KLC4: variants seen among roughly 807,000 people sequenced by gnomAD.
The protein encoded by KLC4 is kinesin-like protein 8.
KLC4 carries 49 observed loss-of-function variants against 77.2 expected under a neutral mutation model. The observed-to-expected ratio is 0.63, with a 90% CI of 0.50 to 0.80. The LOEUF (loss-of-function observed/expected upper bound fraction) is 0.80. KLC4 is among the 30% of genes least tolerant of loss of function. The pLI, the probability that KLC4 is intolerant of heterozygous loss-of-function variation, is 0.00. For synonymous variants in KLC4, 274 were observed against 314.5 expected (o/e 0.87, Z 1.36); for missense variants, 669 against 793.5 (o/e 0.84, Z 1.89).
chr6:43,070,796 A>AC lies in KLC4; in HGVS notation c.1086_1087insC (p.Ala363ArgfsTer15). The AC allele has an allele frequency of 6.2e-7, 1 of 1,614,008 alleles. No homozygotes were observed. Among genetic ancestry groups the AC allele is most frequent in the Non-Finnish European group, 8.5e-7 (1 of 1,179,974 alleles). On this transcript the variant is annotated frameshift_variant, in exon 8 of 16. Transcript: ENST00000347162. LOFTEE classifies it high-confidence loss of function. ...AGGCCGTGGAACGCTACTACCAGCG[A>AC]GCACTGGCCATCTACGAGGGGCAGC...
chr6:43,072,491 A>G (rs1192785289), intron 12 of KLC4, among the ~76,000 whole-genome samples: 4 of 152,110 alleles, frequency 2.6e-5, no homozygotes, highest in Admixed American at 1.3e-4. Context: ...TATGAAGGAG[A>G]AACCCTGCCC....
In KLC4 at chr6:43,061,549, C is replaced by T. The variant is rs773059424; in HGVS notation, c.214C>T (p.Arg72Cys). The change falls in exon 2 of 16, where the codon CGC (arginine) becomes TGC (cysteine). Residue 72 changes from arginine (R) to cysteine (C), a missense_variant. Arg to Cys is a radical substitution (Grantham distance 180). Coordinates refer to ENST00000347162, the MANE Select transcript of KLC4 (RefSeq NM_201521.3). ...GLVHEKARQL[R>C]RSMENIELGL... ...GGTGCATGAGAAGGCCCGGCAGCTT[C>T]GCCGTTCTATGGAAAACATTGAGCT... The T allele has an allele frequency of 3.2e-5, 51 of 1,613,700 alleles. No individual in the cohort carries two copies. The highest frequency in any genetic ancestry group is 4.0e-5 in the Non-Finnish European group (47 of 1,179,794).
chr6:43,064,978 A>C (rs756500754), intron 3 of KLC4, among the ~76,000 whole-genome samples: 1 of 152,220 alleles, frequency 6.6e-6, no homozygotes, highest in Admixed American at 6.5e-5. Flanking sequence ...GACAGGACAG[A>C]CATACAATCA....
rs184946966 is a variant in KLC4 at position 43,071,569 on chromosome 6, G to A, written c.1258G>A (p.Asp420Asn). 35 of 1,613,370 alleles carry A rather than the reference G, an allele frequency of 2.2e-5. No individual in the cohort carries two copies. In the Admixed American group the frequency reaches 5.0e-4, roughly 23 times the overall value. The change falls in exon 10 of 16, where the codon GAC becomes AAC. Residue 420 changes from aspartate (D) to asparagine (N), a missense_variant and splice_region_variant. Transcript: ENST00000347162. ...CCCACCCCATGTATCACCCCTAGAT[G>A]ACCACAAGCCCATCTGGATGCATGC... ...HVQEFGSVDD[D>N]HKPIWMHAEE...
At chr6:43,067,329 T>A in intron 6 of KLC4, 1 of 753,588 alleles carries the variant, frequency 1.3e-6, no homozygotes, top group Non-Finnish European at 1.9e-6. Context: ...AAGTCATAGG[T>A]AAATCCACAT....
chr6:43,063,998 G>A (rs1226737516), intron 3 of KLC4, among the ~76,000 whole-genome samples: 1 of 152,070 alleles, frequency 6.6e-6, no homozygotes, highest in Non-Finnish European at 1.5e-5. Context: ...CACCACACCC[G>A]GCTAATGTTT....
chr6:43,073,419 G>A (rs1765826424), intron 14 of KLC4, 81 bp downstream of exon 14: 2 of 956,346 alleles, frequency 2.1e-6, no homozygotes, highest in Admixed American at 2.1e-5. Flanking sequence ...GGGAGGCCGA[G>A]GCGGGTGGAT....
chr6:43,074,030 A>C, intron 15 of KLC4, 65 bp downstream of exon 15: 1 of 1,275,486 alleles, frequency 7.8e-7, no homozygotes, highest in East Asian at 2.4e-5. Context: ...GAGCAAGCCC[A>C]GTGGAGTAAG....
chr6:43,061,856 G>A (rs753576537), intron 2 of KLC4, among the ~76,000 whole-genome samples: 4 of 152,218 alleles, frequency 2.6e-5, no homozygotes, highest in East Asian at 1.9e-4. Flanking sequence ...ATAATGATTC[G>A]GTATGCCAGA....
At chr6:43,060,024 A>C in intron 1 of KLC4, 2 of 1,424,074 alleles carry the variant, frequency 1.4e-6, no homozygotes. Flanking sequence ...GCAGGTCGAC[A>C]GCCCGAGGCA....
chr6:43,070,904 AG>A (rs1165409149), intron 8 of KLC4, 39 bp downstream of exon 8: 6 of 156,952 alleles, frequency 3.8e-5, no homozygotes, highest in Non-Finnish European at 5.2e-5. Flanking sequence ...AGAAACGGAG[AG>A]GGGGGCACAG....
intron 1 of KLC4, chr6:43,061,080 A>G (rs1277248923): frequency 3.6e-6 from 2 of 554,980 alleles, no homozygotes; most frequent in African/African-American, 1.9e-5. Flanking sequence ...TGTTCCTACT[A>G]TAGTCTTCCT....
In KLC4 at chr6:43,066,603, T is replaced by C. The variant is rs1412754791; in HGVS notation, c.791+78T>C. ...GTCCTCCTTTGGCTTTCATTTTTCC[T>C]CTTTACAGGGTACCTCTCCTCCCTG... On this transcript the variant is annotated intron_variant, in intron 5 of 15. Coordinates refer to ENST00000347162, the MANE Select transcript of KLC4 (RefSeq NM_201521.3). 2.3e-6 allele frequency: 3 copies of C among 1,312,372 alleles called. No individual in the cohort carries two copies. In the East Asian group the frequency reaches 7.1e-5, roughly 31 times the overall value. The allele number at this position is 1,312,372 out of a possible 1,614,324, so 81.3% of individuals were successfully genotyped here.
At position 43,059,678 on chromosome 6, in the gene KLC4, G is replaced by T. The variant is rs904357182; in HGVS notation, c.-33G>T. Reference sequence around the variant, plus strand: ...GGCAAGAGCGGCAGCCACACCGGCAGATTGCAGGTGAGTCTTTGAGGGTAT... The same window carrying T: ...GGCAAGAGCGGCAGCCACACCGGCATATTGCAGGTGAGTCTTTGAGGGTAT... On this transcript the variant is annotated 5_prime_UTR_variant, in exon 1 of 16. Transcript: ENST00000347162. The T allele has an allele frequency of 8.1e-5, 109 of 1,339,556 alleles. No individual in the cohort carries two copies. Among genetic ancestry groups the T allele is most frequent in the Non-Finnish European group, 1.0e-4 (105 of 1,047,604 alleles). The allele number at this position is 1,339,556 out of a possible 1,614,324, so 83.0% of individuals were successfully genotyped here.
chr6:43,069,586 G>A (rs182172966), intron 6 of KLC4, among the ~76,000 whole-genome samples: 72 of 151,778 alleles, frequency 4.7e-4, no homozygotes, highest in Non-Finnish European at 7.1e-4. Flanking sequence ...TTTCACTCTT[G>A]TTGCCAGGCT....
At position 43,072,964 on chromosome 6, in the gene KLC4, G is replaced by A; in HGVS notation, c.1629G>A (p.Gly543=). Residue 543 remains glycine (G), a splice_region_variant and synonymous_variant, in exon 13 of 16, where the codon GGG becomes GGA. Transcript: ENST00000347162. ...EDASVAVEWS[G]DGSGTLQRSG... The stretch of plus-strand genomic sequence containing the variant: ...CTTCTGTGGCTGTGGAGTGGTCCGG[G>A]GTAAGTCTGATCATTGCCTTTTCAT... 6.3e-7 allele frequency: 1 copy of A among 1,589,436 alleles called. No homozygotes were observed. The highest frequency in any genetic ancestry group is 8.6e-7 in the Non-Finnish European group (1 of 1,169,456).
At chr6:43,070,926 A>AGGGGGGGGGGGGGGG (rs201530763) in intron 8 of KLC4, 61 bp downstream of exon 8, 34 of 106,480 alleles carry the variant, frequency 3.2e-4, no homozygotes, top group South Asian at 1.1e-3. Context: ...AGGTGGGGGG[A>AGGGGGGGGGGGGGGG]GGGGGGGCAG....
Position 43,062,998 on chromosome 6 carries a change from C to G in KLC4, c.340C>G (p.Gln114Glu). 6.2e-7 allele frequency: 1 copy of G among 1,614,184 alleles called. No homozygotes were observed. Among genetic ancestry groups the G allele is most frequent in the South Asian group, 1.1e-5 (1 of 91,086 alleles). Residue 114 changes from glutamine to glutamate, a missense_variant, in exon 3 of 16, where the codon CAG becomes GAG. Gln to Glu is a conservative substitution (Grantham distance 29). Coordinates refer to ENST00000347162, the MANE Select transcript of KLC4 (RefSeq NM_201521.3). Reference protein sequence around the residue: ...KLRAQVRRLCQENQWLRDELA... With the variant: ...KLRAQVRRLCEENQWLRDELA... ...GCGGGCTCAGGTGCGGCGGCTATGCCAGGAGAACCAGTGGCTGCGGGATGA... is the reference window on the plus strand; with the variant it reads ...GCGGGCTCAGGTGCGGCGGCTATGCGAGGAGAACCAGTGGCTGCGGGATGA...
chr6:43,063,346 A>G (rs1765260427), intron 3 of KLC4, among the ~76,000 whole-genome samples, 199 bp downstream of exon 3: 1 of 152,210 alleles, frequency 6.6e-6, no homozygotes, highest in South Asian at 2.1e-4. Flanking sequence ...TTCAGTCAAC[A>G]TTTAATGAGA....
Sources: allele counts gnomAD v4.1 joint callset (sites outside exome capture counted in the v4.1 genomes callset), GRCh38; gene constraint gnomAD v4.1.1; transcripts MANE v1.5; gene names NCBI Gene and HGNC (gene_info 2026-07-23, HGNC 2026-07-21).